Variants in SGCZ observed in about 807,000 individuals in gnomAD.
The protein encoded by SGCZ is zeta-sarcoglycan.
Under a neutral mutation model 41.3 loss-of-function variants are expected in SGCZ, and 40 were observed. The observed-to-expected ratio is 0.97, with a 90% CI of 0.75 to 1.26. The LOEUF (loss-of-function observed/expected upper bound fraction) is 1.26, where lower values mean the gene tolerates loss of function less well. Among genes scored for constraint, SGCZ ranks in the 50% most tolerant of loss-of-function variants. SGCZ has a pLI of 0.00. For synonymous variants in SGCZ, 206 were observed against 137.5 expected (o/e 1.50, Z -3.49); for missense variants, 552 against 369.8 (o/e 1.49, Z -4.04).
chr8:14,819,590 A>G (rs1189797983), intron 1 of SGCZ, among the ~76,000 whole-genome samples: 1 of 152,172 alleles, frequency 6.6e-6, no homozygotes, highest in East Asian at 1.9e-4. Context: ...AGAACACCCT[A>G]GTGAAGTAAT....
At chr8:14,717,776 T>C (rs920271682) in intron 1 of SGCZ, among the ~76,000 whole-genome samples, 1 of 152,056 alleles carries the variant, frequency 6.6e-6, no homozygotes, top group Non-Finnish European at 1.5e-5. Context: ...CTTCTACAAC[T>C]GTGTGTGAAA....
intron 1 of SGCZ, among the ~76,000 whole-genome samples, chr8:14,987,488 A>G (rs1801862366): frequency 6.6e-6 from 1 of 151,906 alleles, no homozygotes; most frequent in Admixed American, 6.6e-5. Flanking sequence ...GAAATATTGT[A>G]CTCACTGTAT....
intron 1 of SGCZ, among the ~76,000 whole-genome samples, chr8:14,642,095 G>A (rs1418969688): frequency 6.6e-6 from 1 of 151,570 alleles, no homozygotes; most frequent in African/African-American, 2.4e-5. Context: ...TTTTACTAAT[G>A]GAAAAGCACC....
chr8:14,132,303 G>A (rs1213339777), intron 5 of SGCZ, among the ~76,000 whole-genome samples: 1 of 151,818 alleles, frequency 6.6e-6, no homozygotes, highest in African/African-American at 2.4e-5. Context: ...TTTTATTTTT[G>A]AATAAGTTTA....
At chr8:14,552,273 T>C (rs1282594080) in intron 2 of SGCZ, among the ~76,000 whole-genome samples, 1 of 152,094 alleles carries the variant, frequency 6.6e-6, no homozygotes, top group African/African-American at 2.4e-5. Context: ...TCAGGATTGC[T>C]GAAGTCTGCA....
intron 5 of SGCZ, among the ~76,000 whole-genome samples, chr8:14,139,029 T>G (rs1405900519): frequency 6.6e-6 from 1 of 152,130 alleles, no homozygotes; most frequent in Non-Finnish European, 1.5e-5. Flanking sequence ...AACTCAGGAT[T>G]AAGAAACTCA....
intron 3 of SGCZ, among the ~76,000 whole-genome samples, chr8:14,247,786 C>T (rs186859549): frequency 6.6e-6 from 1 of 152,178 alleles, no homozygotes; most frequent in Admixed American, 6.5e-5. Flanking sequence ...ACTGTGAGTG[C>T]TACTGTCTGT....
At chr8:14,492,994 A>G (rs559762710) in intron 2 of SGCZ, among the ~76,000 whole-genome samples, 70 of 152,150 alleles carry the variant, frequency 4.6e-4, no homozygotes, top group African/African-American at 1.6e-3. Flanking sequence ...TAACCCCCCA[A>G]CTCTCTAACC....
At chr8:14,134,899 C>T (rs956163405) in intron 5 of SGCZ, among the ~76,000 whole-genome samples, 2 of 151,988 alleles carry the variant, frequency 1.3e-5, no homozygotes, top group African/African-American at 4.8e-5. Context: ...TATAATAGTT[C>T]ATGATGAGAA....
chr8:15,077,906 C>T (rs924102091), intron 1 of SGCZ, among the ~76,000 whole-genome samples: 2 of 151,944 alleles, frequency 1.3e-5, no homozygotes, highest in Non-Finnish European at 2.9e-5. Flanking sequence ...GGAAGTGTCC[C>T]CAGAGAATCT....
At chr8:14,983,583 G>A (rs140824300) in intron 1 of SGCZ, among the ~76,000 whole-genome samples, 25 of 152,064 alleles carry the variant, frequency 1.6e-4, no homozygotes, top group Non-Finnish European at 2.9e-4. Context: ...AGCCTCAAAC[G>A]CTCCTCCTAC....
In SGCZ at chr8:14,160,571, A is replaced by G. The variant is rs1478029; in HGVS notation, c.547+4009T>C. Among the ~76,000 whole-genome samples, 932 of 152,334 alleles carry G rather than the reference A, an allele frequency of 6.1e-3. 9 individuals carry two copies. Among genetic ancestry groups the G allele is most frequent in the African/African-American group, 0.02 (814 of 41,578 alleles). On this transcript the variant is annotated intron_variant, in intron 5 of 7. Coordinates refer to ENST00000382080, the MANE Select transcript of SGCZ (RefSeq NM_139167.4). The stretch of plus-strand genomic sequence containing the variant: ...AGAGAGGACATGTTAAGGTCAAATA[A>G]GTATCATTATACTAAGATTTAAGCA...
chr8:14,143,016 TCAAC>T (rs1005161925), intron 5 of SGCZ, among the ~76,000 whole-genome samples: 2 of 144,176 alleles, frequency 1.4e-5, no homozygotes, highest in Admixed American at 6.9e-5. Context: ...AAAAAAAGAA[TCAAC>T]CAACATAAGC....
At chr8:15,167,023 T>C (rs1385654363) in intron 1 of SGCZ, among the ~76,000 whole-genome samples, 1 of 145,480 alleles carries the variant, frequency 6.9e-6, no homozygotes, top group Non-Finnish European at 1.5e-5. Flanking sequence ...TTTTGTTTTT[T>C]TTTCAGAGTC....
chr8:14,468,458 T>C (rs1801113750), intron 2 of SGCZ, among the ~76,000 whole-genome samples: 1 of 152,106 alleles, frequency 6.6e-6, no homozygotes, highest in Admixed American at 6.6e-5. Flanking sequence ...TTTTATTCAA[T>C]GCCTCTTTTT....
Position 14,246,164 on chromosome 8 carries a change from T to A in SGCZ, c.337-8485A>T, listed in dbSNP as rs946325186. 3.3e-5 allele frequency among the ~76,000 whole-genome samples: 5 copies of A among 152,148 alleles called. 1 individual carries two copies. Among genetic ancestry groups the A allele is most frequent in the African/African-American group, 1.2e-4 (5 of 41,440 alleles). The stretch of plus-strand genomic sequence containing the variant: ...CATGCACATGTATGTTTATTGCGGC[T>A]GTATTCACAATAGCAAAGACTTGGA... On this transcript the variant is annotated intron_variant, in intron 3 of 7. Transcript: ENST00000382080.
At chr8:14,177,087 G>A (rs1255100306) in intron 4 of SGCZ, among the ~76,000 whole-genome samples, 1 of 152,146 alleles carries the variant, frequency 6.6e-6, no homozygotes, top group South Asian at 2.1e-4. Flanking sequence ...CTGGGAAGGA[G>A]CATCTGTGGG....
At chr8:14,722,257 T>A (rs1809910750) in intron 1 of SGCZ, among the ~76,000 whole-genome samples, 1 of 152,160 alleles carries the variant, frequency 6.6e-6, no homozygotes, top group African/African-American at 2.4e-5. Context: ...AAATCTAGCA[T>A]CTATAACATA....
intron 1 of SGCZ, among the ~76,000 whole-genome samples, chr8:14,702,083 A>G (rs1585193688): frequency 6.6e-6 from 1 of 151,832 alleles, no homozygotes; most frequent in African/African-American, 2.4e-5. Flanking sequence ...TCCTCACTCC[A>G]CAAAAATGTT....
Sources: allele counts gnomAD v4.1 joint callset (sites outside exome capture counted in the v4.1 genomes callset), GRCh38; gene constraint gnomAD v4.1.1; transcripts MANE v1.5; gene names NCBI Gene and HGNC (gene_info 2026-07-23, HGNC 2026-07-21).